Variants in RAB37 observed in about 807,000 individuals in gnomAD.
RAB37 encodes ras-related protein Rab-37.
RAB37 carries 29 observed loss-of-function variants against 33.1 expected under a neutral mutation model. The ratio of observed to expected loss-of-function variants is 0.88; its 90% CI spans 0.65 to 1.20. RAB37 has a LOEUF of 1.20. Among genes scored for constraint, RAB37 ranks in the 50% most tolerant of loss-of-function variants. RAB37 has a pLI of 0.00. For missense variants in RAB37, 299 were observed against 301.1 expected (o/e 0.99, Z 0.05); for synonymous variants, 128 against 119.5 (o/e 1.07, Z -0.47).
At chr17:74,713,215 G>A (rs932185136) in intron 1 of RAB37, among the ~76,000 whole-genome samples, 3 of 150,886 alleles carry the variant, frequency 2.0e-5, no homozygotes, top group Non-Finnish European at 4.4e-5. Flanking sequence ...TGAGACAGAA[G>A]AATCGCTTGA....
At position 74,737,360 on chromosome 17, in the gene RAB37, G is replaced by A. The variant is rs756947169; in HGVS notation, c.88G>A (p.Gly30Ser). Residue 30 changes from glycine to serine, a missense_variant, in exon 1 of 9, where the codon GGC becomes AGC. Transcript: ENST00000392613. ...CTGCAGTCCGAGCTACGACCTCACG[G>A]GCAAGGTGGGTGGGCCTCTTCCGTG... The part of the protein sequence containing the change: ...PPCSPSYDLT[G>S]KVMLLGDTGV... 1.3e-6 allele frequency: 2 copies of A among 1,569,296 alleles called. No homozygotes were observed. The highest frequency in any genetic ancestry group is 1.7e-6 in the Non-Finnish European group (2 of 1,164,748).
At chr17:74,706,593 G>T (rs184787035) in intron 1 of RAB37, among the ~76,000 whole-genome samples, 1 of 152,150 alleles carries the variant, frequency 6.6e-6, no homozygotes, top group East Asian at 1.9e-4. Flanking sequence ...GCTTGAACCC[G>T]GGAGGCAGAG....
chr17:74,700,770 A>G (rs374822488), intron 1 of RAB37, among the ~76,000 whole-genome samples: 1 of 152,036 alleles, frequency 6.6e-6, no homozygotes, highest in African/African-American at 2.4e-5. Flanking sequence ...CAAACAACAA[A>G]AAAAACTGTT....
In RAB37 at chr17:74,698,331, G is replaced by A. The variant is rs775639502; in HGVS notation, c.72+26673G>A. The A allele has an allele frequency of 3.6e-5, 52 of 1,431,768 alleles. No homozygotes were observed. The South Asian group carries it at 5.4e-4, about 15-fold the overall frequency. 88.7% of individuals were successfully genotyped at this position (1,431,768 alleles called of 1,614,324 possible). A position where few individuals can be genotyped will look rare whatever the true frequency, so the allele number is the denominator to read the frequency against. On this transcript the variant is annotated intron_variant, in intron 1 of 7. Coordinates refer to the RAB37 transcript ENST00000340415. ...CCAGATGCCACATCCCCAGCCACCC[G>A]GCCCAGTCTCAGCCCAGCCTCACCC...
At chr17:74,693,974 T>C (rs2032222673) in intron 1 of RAB37, among the ~76,000 whole-genome samples, 1 of 151,480 alleles carries the variant, frequency 6.6e-6, no homozygotes, top group Non-Finnish European at 1.5e-5. Flanking sequence ...GCATGATCCC[T>C]GTGTGAGCAG....
rs1473783932 is a variant in RAB37 at position 74,744,807 on chromosome 17, G to A, written c.433-66G>A. ...AGAGGGCAGGCAACGCCTGCTTCTG[G>A]GGCAAAATATGGGCCCGCTGGGGCG... On this transcript the variant is annotated intron_variant, in intron 6 of 8. Transcript: ENST00000392613. The surrounding 1 kb of genome is among the most constrained non-coding windows in gnomAD (Gnocchi z 4.2). 5.3e-5 allele frequency: 84 copies of A among 1,598,646 alleles called. No homozygotes were observed. Among genetic ancestry groups the A allele is most frequent in the Non-Finnish European group, 7.2e-5 (84 of 1,166,054 alleles).
intron 1 of RAB37, among the ~76,000 whole-genome samples, chr17:74,709,685 C>T (rs2033805171): frequency 6.6e-6 from 1 of 151,912 alleles, no homozygotes; most frequent in Non-Finnish European, 1.5e-5. Flanking sequence ...TTTGCTGTAA[C>T]CTCTTATGTA....
At chr17:74,718,601 AG>A (rs1234436442) in intron 1 of RAB37, among the ~76,000 whole-genome samples, 2 of 152,218 alleles carry the variant, frequency 1.3e-5, no homozygotes, top group Non-Finnish European at 2.9e-5. Flanking sequence ...GTTCAGCAAC[AG>A]GTAGGCTAAA....
intron 1 of RAB37, among the ~76,000 whole-genome samples, chr17:74,726,692 T>C (rs1488889286): frequency 6.6e-6 from 1 of 152,208 alleles, no homozygotes; most frequent in Non-Finnish European, 1.5e-5. Context: ...GTCAATGCCA[T>C]GGACAACCTC....
In RAB37 at chr17:74,746,561, G is replaced by C. The variant is rs1487674309; in HGVS notation, c.*1150G>C. On this transcript the variant is annotated 3_prime_UTR_variant, in exon 9 of 9. Transcript: ENST00000392613. This position sits in a 1 kb window ranked among gnomAD's most constrained non-coding sequence, Gnocchi z 5.2. ...ATCCCAATCCTTTGGCAGGCATGCA[G>C]CTCCACAGGCGATTTCTTCAAGCAG... 1.3e-5 allele frequency: 2 copies of C among 152,212 alleles called. No individual in the cohort carries two copies. The highest frequency in any genetic ancestry group is 2.4e-5 in the African/African-American group (1 of 41,434). 9.4% of individuals were successfully genotyped at this position (152,212 alleles called of 1,614,324 possible). A position where few individuals can be genotyped will look rare whatever the true frequency, so the allele number is the denominator to read the frequency against.
At chr17:74,695,785 C>T in intron 1 of RAB37, 1 of 1,614,170 alleles carries the variant, frequency 6.2e-7, no homozygotes, top group Non-Finnish European at 8.5e-7. Context: ...TCGTGGTAGC[C>T]TTTTGCGGGG....
intron 1 of RAB37, among the ~76,000 whole-genome samples, chr17:74,710,331 A>G (rs949300486): frequency 2.0e-5 from 3 of 152,104 alleles, no homozygotes; most frequent in South Asian, 4.1e-4. Context: ...ATAATTATCA[A>G]AAGGGAAAAA....
intron 1 of RAB37, among the ~76,000 whole-genome samples, chr17:74,713,433 C>T (rs1248220615): frequency 1.3e-5 from 2 of 152,070 alleles, no homozygotes; most frequent in Admixed American, 6.6e-5. Context: ...ACACAGCCAC[C>T]GTGGGTTCTC....
intron 1 of RAB37, among the ~76,000 whole-genome samples, chr17:74,717,472 A>T (rs1473848386): frequency 6.6e-6 from 1 of 152,168 alleles, no homozygotes; most frequent in Non-Finnish European, 1.5e-5. Flanking sequence ...CTAGGTCAGG[A>T]GAGTAACTAG....
At chr17:74,703,148 A>C (rs1403894659) in intron 1 of RAB37, 4 of 1,611,438 alleles carry the variant, frequency 2.5e-6, no homozygotes, top group Non-Finnish European at 3.4e-6. Flanking sequence ...TCGACGCTGT[A>C]GTTGATGCTT....
At chr17:74,680,844 C>G (rs1274945778) in intron 1 of RAB37, among the ~76,000 whole-genome samples, 2 of 150,088 alleles carry the variant, frequency 1.3e-5, no homozygotes, top group Admixed American at 6.7e-5. Context: ...CTTCCTCCAT[C>G]TCACTCAAGG....
chr17:74,726,350 G>A (rs958540167), intron 1 of RAB37, among the ~76,000 whole-genome samples: 2 of 151,954 alleles, frequency 1.3e-5, no homozygotes, highest in African/African-American at 4.8e-5. Context: ...GGACCTCAGT[G>A]AGCTGGAAAA....
At chr17:74,689,516 A>G (rs1567777136) in intron 1 of RAB37, among the ~76,000 whole-genome samples, 1 of 152,232 alleles carries the variant, frequency 6.6e-6, no homozygotes, top group African/African-American at 2.4e-5. Flanking sequence ...GGGTTTAACA[A>G]ACTTTTTCAA....
chr17:74,736,789 A>AC, upstream of RAB37: 1 of 1,535,606 alleles, frequency 6.5e-7, no homozygotes, highest in Non-Finnish European at 8.7e-7. Flanking sequence ...GGGTGACTTA[A>AC]CAGATGAGGA....
Sources: gnomAD v4.1 joint callset for allele counts (sites outside exome capture counted in the v4.1 genomes callset) on GRCh38, gnomAD v4.1.1 for gene constraint, Gnocchi (gnomAD v3.1) non-coding constraint, MANE v1.5 for transcripts, NCBI Gene and HGNC (gene_info 2026-07-23, HGNC 2026-07-21) for gene names.